MTNR1A: variants seen among roughly 807,000 people sequenced by gnomAD.
MTNR1A encodes the protein melatonin receptor type 1A.
Under a neutral mutation model 5.5 loss-of-function variants are expected in MTNR1A, and 7 were observed. The observed-to-expected ratio is 1.28, with a 90% CI of 0.73 to 2.40. MTNR1A has a LOEUF of 2.40. MTNR1A is among the 30% of genes most tolerant of loss of function. The pLI is 0.00. For synonymous variants in MTNR1A, 196 were observed against 202.7 expected (o/e 0.97, Z 0.28); for missense variants, 441 against 464.4 (o/e 0.95, Z 0.46).
At chr4:186,540,977 C>T (rs1341751482) in intron 1 of MTNR1A, among the ~76,000 whole-genome samples, 2 of 152,088 alleles carry the variant, frequency 1.3e-5, no homozygotes, top group African/African-American at 2.4e-5. Flanking sequence ...AGAAGCCGCA[C>T]ATCCAAGATC....
intron 1 of MTNR1A, among the ~76,000 whole-genome samples, chr4:186,540,755 T>TCTGAAGGACCAGGTGCTGTCTGA (rs1736998459): frequency 1.4e-4 from 1 of 7,144 alleles, no homozygotes; most frequent in African/African-American, 4.8e-4. Flanking sequence ...GTGCTGTCTG[T>TCTGAAGGACCAGGTGCTGTCTGA]CTGAAGGACC....
At chr4:186,554,947 T>C (rs545321262) in intron 1 of MTNR1A, among the ~76,000 whole-genome samples, 5 of 152,214 alleles carry the variant, frequency 3.3e-5, no homozygotes, top group East Asian at 3.9e-4. Flanking sequence ...GGTGTCCCCA[T>C]AGGAAAGAGA....
At position 186,533,656 on chromosome 4, in the gene MTNR1A, G is replaced by C. The variant is rs1227284283; in HGVS notation, c.*33C>G. 1.2e-6 allele frequency: 2 copies of C among 1,612,700 alleles called. No homozygotes were observed. Among genetic ancestry groups the C allele is most frequent in the Non-Finnish European group, 1.7e-6 (2 of 1,180,012 alleles). ...TCTGTCAAGAGCGAGGCCTTGCGCA[G>C]CGTGTCCATCTCACCCGGAACGTGG... On this transcript the variant is annotated 3_prime_UTR_variant, in exon 2 of 2. Transcript: ENST00000307161.
Position 186,555,190 on chromosome 4 carries a change from C to A in MTNR1A, c.176G>T (p.Arg59Met). The A allele has an allele frequency of 1.3e-6, 2 of 1,593,392 alleles. No homozygotes were observed. The highest frequency in any genetic ancestry group is 1.7e-6 in the Non-Finnish European group (2 of 1,170,562). The change falls in exon 1 of 2, where the codon AGG (arginine) becomes ATG (methionine). Residue 59 changes from arginine (R) to methionine (M), a missense_variant. Physicochemically the swap from Arg to Met is moderately conservative, Grantham distance 91. Transcript: ENST00000307161. This position sits in a 1 kb window ranked among gnomAD's most constrained non-coding sequence, Gnocchi z 4.1. ...GGCGGCGCGGGCCCTACCTGCGTTCCTGAGCTTCTTGTTCCGATACACCGA... is the reference window on the plus strand; with the variant it reads ...GGCGGCGCGGGCCCTACCTGCGTTCATGAGCTTCTTGTTCCGATACACCGA... ...ILSVYRNKKL[R>M]NAGNIFVVSL...
chr4:186,553,785 T>A (rs1737311269), intron 1 of MTNR1A, among the ~76,000 whole-genome samples: 1 of 152,362 alleles, frequency 6.6e-6, no homozygotes, highest in East Asian at 1.9e-4. Context: ...GTGCTGGGAT[T>A]ACAGGCTTGA....
rs77222850 is a variant in MTNR1A at position 186,542,120 on chromosome 4, C to T, written c.185-7563G>A. 9.0e-3 allele frequency among the ~76,000 whole-genome samples: 1,370 copies of T among 152,322 alleles called. 28 individuals carry two copies. Among genetic ancestry groups the T allele is most frequent in the African/African-American group, 0.03 (1,243 of 41,562 alleles). ...CTCCTCATGAAAACTGATCTGGATGCAGCCACTGCTGCACTGCTGAATGTC... is the reference window on the plus strand; with the variant it reads ...CTCCTCATGAAAACTGATCTGGATGTAGCCACTGCTGCACTGCTGAATGTC... On this transcript the variant is annotated intron_variant, in intron 1 of 1. Coordinates refer to ENST00000307161, the MANE Select transcript of MTNR1A (RefSeq NM_005958.4).
intron 1 of MTNR1A, among the ~76,000 whole-genome samples, chr4:186,545,498 A>T (rs987472613): frequency 2.0e-5 from 3 of 152,188 alleles, no homozygotes; most frequent in Non-Finnish European, 4.4e-5. Flanking sequence ...AGGTGCTCGG[A>T]AATAATTTGC....
intron 1 of MTNR1A, among the ~76,000 whole-genome samples, chr4:186,550,914 A>G (rs1329518048): frequency 6.6e-6 from 1 of 152,222 alleles, no homozygotes; most frequent in Non-Finnish European, 1.5e-5. Flanking sequence ...TATACAAACC[A>G]AGATAGAAAG....
chr4:186,539,664 A>G (rs1465399750), intron 1 of MTNR1A, among the ~76,000 whole-genome samples: 4 of 152,132 alleles, frequency 2.6e-5, no homozygotes, highest in Non-Finnish European at 5.9e-5. Flanking sequence ...CACAGCAAGA[A>G]GGCACCATCC....
chr4:186,551,569 G>A (rs960770433), intron 1 of MTNR1A, among the ~76,000 whole-genome samples: 1 of 152,132 alleles, frequency 6.6e-6, no homozygotes, highest in Admixed American at 6.5e-5. Flanking sequence ...ATGGATGGAT[G>A]GACGGACGAT....
chr4:186,538,461 T>C (rs1048597129), intron 1 of MTNR1A, among the ~76,000 whole-genome samples: 2 of 152,148 alleles, frequency 1.3e-5, no homozygotes, highest in East Asian at 3.9e-4. Flanking sequence ...CCGAGTCTCA[T>C]CTGCTGCCCT....
intron 1 of MTNR1A, among the ~76,000 whole-genome samples, chr4:186,552,620 G>C (rs1050693111): frequency 2.0e-5 from 3 of 152,180 alleles, no homozygotes; most frequent in African/African-American, 7.2e-5. Flanking sequence ...CCTTTTCAAA[G>C]TATTCTCATA....
intron 1 of MTNR1A, among the ~76,000 whole-genome samples, chr4:186,535,920 A>C (rs912009261): frequency 1.3e-5 from 2 of 152,178 alleles, no homozygotes; most frequent in African/African-American, 2.4e-5. Context: ...CCTCCTTTGA[A>C]GGGTCTTAAA....
At chr4:186,551,509 T>G (rs1737267103) in intron 1 of MTNR1A, among the ~76,000 whole-genome samples, 1 of 152,114 alleles carries the variant, frequency 6.6e-6, no homozygotes, top group Admixed American at 6.6e-5. Flanking sequence ...TACTATTATT[T>G]GTACCTCATA....
intron 1 of MTNR1A, among the ~76,000 whole-genome samples, chr4:186,537,208 G>A (rs1040436182): frequency 6.6e-6 from 1 of 152,182 alleles, no homozygotes; most frequent in Non-Finnish European, 1.5e-5. Context: ...AGGTGCGGCT[G>A]TCAGGTAGCT....
chr4:186,554,677 G>A (rs1054201877), intron 1 of MTNR1A, among the ~76,000 whole-genome samples: 2 of 152,172 alleles, frequency 1.3e-5, no homozygotes, highest in Admixed American at 1.3e-4. Context: ...GCCGCCTGCC[G>A]GACACAGCAC....
At chr4:186,536,529 G>C (rs948405942) in intron 1 of MTNR1A, among the ~76,000 whole-genome samples, 1 of 152,134 alleles carries the variant, frequency 6.6e-6, no homozygotes, top group African/African-American at 2.4e-5. Flanking sequence ...GCTTCCCTGC[G>C]TCTCCAGATG....
chr4:186,551,612 G>A (rs532831619), intron 1 of MTNR1A, among the ~76,000 whole-genome samples: 2 of 152,012 alleles, frequency 1.3e-5, no homozygotes, highest in Non-Finnish European at 2.9e-5. Flanking sequence ...GTGGTTGGAC[G>A]TATAGGTGGG....
intron 1 of MTNR1A, among the ~76,000 whole-genome samples, chr4:186,553,084 A>T (rs541731065): frequency 6.6e-6 from 1 of 152,352 alleles, no homozygotes; most frequent in South Asian, 2.1e-4. Flanking sequence ...GTGATGGTTC[A>T]AAGCCTAGAT....
Sources: allele counts gnomAD v4.1 joint callset (sites outside exome capture counted in the v4.1 genomes callset), GRCh38; gene constraint gnomAD v4.1.1; non-coding constraint Gnocchi (gnomAD v3.1); transcripts MANE v1.5; gene names NCBI Gene and HGNC (gene_info 2026-07-23, HGNC 2026-07-21).